PKD1: variants seen among roughly 807,000 people sequenced by gnomAD.
PKD1 encodes the protein polycystin-1.
Under a neutral mutation model 361.7 loss-of-function variants are expected in PKD1, and 81 were observed. The observed-to-expected ratio is 0.22, with a 90% CI of 0.19 to 0.27. PKD1 has a LOEUF of 0.27. Among genes scored for constraint, PKD1 ranks in the 10% least tolerant of loss-of-function variants. The pLI, the probability that PKD1 is intolerant of heterozygous loss-of-function variation, is 1.00. For synonymous variants in PKD1, 3,615 were observed against 2,818.3 expected, an observed-to-expected ratio of 1.28 and a Z score of -8.95; for missense variants, 6,399 against 6,118.3, an observed-to-expected ratio of 1.05 and a Z score of -1.53.
chr16:2,094,040 G>A lies in PKD1; in HGVS notation c.10619-27C>T, dbSNP rs755380031. 2.1e-5 allele frequency: 34 copies of A among 1,592,462 alleles called. 1 individual carries two copies. Among genetic ancestry groups the A allele is most frequent in the East Asian group, 1.1e-4 (5 of 44,076 alleles). On this transcript the variant is annotated intron_variant, in intron 35 of 45. Transcript: ENST00000262304. ...TGGGGAAGCAGAGACAGACCTGTGA[G>A]AGGCAGCTCACAGGGAGGGGCTAGG...
Position 2,110,994 on chromosome 16 carries a change from A to C in PKD1, c.4173T>G (p.Phe1391Leu). Residue 1391 changes from phenylalanine to leucine, a missense_variant, in exon 15 of 46, where the codon TTT becomes TTG. Physicochemically the swap from Phe to Leu is conservative, Grantham distance 22. Coordinates refer to ENST00000262304, the MANE Select transcript of PKD1 (RefSeq NM_001009944.3). ...GNVTLQPERQFVQLGDEAWLV... is the reference protein window; with the variant it reads ...GNVTLQPERQLVQLGDEAWLV... ...GCCAGGCCTCGTCCCCGAGCTGCAC[A>C]AACTGCCTCTCTGGCTGCAGGGTGA... is the stretch of plus-strand genomic sequence containing the variant. 6.2e-7 allele frequency: 1 copy of C among 1,610,640 alleles called. No homozygotes were observed. Among genetic ancestry groups the C allele is most frequent in the Non-Finnish European group, 8.5e-7 (1 of 1,179,744 alleles).
chr16:2,121,667 T>C (rs1263051290), intron 1 of PKD1, among the ~76,000 whole-genome samples: 1 of 151,492 alleles, frequency 6.6e-6, no homozygotes, highest in Admixed American at 6.6e-5. Flanking sequence ...CCCCTCGGCC[T>C]CAAGCACCTC....
rs1177932432 is a variant in PKD1 at position 2,088,861 on chromosome 16, A to C, written c.*866T>G. On this transcript the variant is annotated 3_prime_UTR_variant, in exon 46 of 46. Transcript: ENST00000262304. Reference sequence around the variant, plus strand: ...CTTGAGGCTGCCTGGGCCATACAGCACACTCGCGCGTGCGCGCGCGCACAC... The same window carrying C: ...CTTGAGGCTGCCTGGGCCATACAGCCCACTCGCGCGTGCGCGCGCGCACAC... The C allele has an allele frequency of 1.8e-6, 1 of 552,058 alleles. No individual in the cohort carries two copies. The allele number at this position is 552,058 out of a possible 1,614,324, so 34.2% of individuals were successfully genotyped here.
chr16:2,105,263 G>T, intron 21 of PKD1, 59 bp downstream of exon 21: 9 of 1,568,840 alleles, frequency 5.7e-6, no homozygotes, highest in Non-Finnish European at 7.8e-6. Flanking sequence ...GCCCTGGGGG[G>T]CTGAACCCAG....
At chr16:2,093,340 C>A in intron 37 of PKD1, 1 of 676,308 alleles carries the variant, frequency 1.5e-6, no homozygotes, top group Non-Finnish European at 2.5e-6. Flanking sequence ...CAGGAGTGGG[C>A]ATTGGAGCTG....
At position 2,132,609 on chromosome 16, in the gene PKD1, C is replaced by G. The variant is rs2092900415; in HGVS notation, c.215+2866G>C. Among the ~76,000 whole-genome samples the G allele has an allele frequency of 4.1e-5, 6 of 147,342 alleles. No homozygotes were observed. The South Asian group carries it at 1.3e-3, about 31-fold the overall frequency. ...AAAAAAAAGAAAAAAAAAAAGACAT[C>G]AACTAATTGCAGTGTGTGGACCTTA... On this transcript the variant is annotated intron_variant, in intron 1 of 45. Transcript: ENST00000262304.
At chr16:2,132,192 G>C (rs547126156) in intron 1 of PKD1, among the ~76,000 whole-genome samples, 7 of 151,766 alleles carry the variant, frequency 4.6e-5, no homozygotes, top group Admixed American at 3.3e-4. Flanking sequence ...GGAGGTTGCC[G>C]TGAGGTGAGA....
Position 2,116,026 on chromosome 16 carries a change from C to T in PKD1, c.1815G>A (p.Leu605=), listed in dbSNP as rs1354060299. 6.5e-7 allele frequency: 1 copy of T among 1,546,672 alleles called. No individual in the cohort carries two copies. The highest frequency in any genetic ancestry group is 8.7e-7 in the Non-Finnish European group (1 of 1,145,208). Residue 605 remains leucine, a synonymous_variant, in exon 9 of 46, where the codon CTG becomes CTA. Coordinates refer to ENST00000262304, the MANE Select transcript of PKD1 (RefSeq NM_001009944.3). ...TGAGGAGCCGGTACACCTGCAGCCG[C>T]AGCTGGGCGGGCCGCCGGAGCTCCT... ...GTQELRRPAQ[L]RLQVYRLLST...
intron 1 of PKD1, among the ~76,000 whole-genome samples, chr16:2,127,336 G>T (rs1195115039): frequency 6.6e-6 from 1 of 152,182 alleles, no homozygotes; most frequent in African/African-American, 2.4e-5. Flanking sequence ...GCGTCAAAAG[G>T]CACCAATGGG....
chr16:2,089,745 G>T lies in PKD1; in HGVS notation c.12894C>A (p.Val4298=). 6.3e-7 allele frequency: 1 copy of T among 1,587,706 alleles called. No homozygotes were observed. The highest frequency in any genetic ancestry group is 1.1e-5 in the South Asian group (1 of 87,452). Residue 4298 remains valine (V), a synonymous_variant, in exon 46 of 46, where the codon GTC becomes GTA. Coordinates refer to ENST00000262304, the MANE Select transcript of PKD1 (RefSeq NM_001009944.3). The part of the protein sequence containing the change: ...SRTPLRAKNK[V]HPSST ...AGGAGGACTAAGTGCTGCTGGGGTGGACCTTGTTCTTGGCCCGAAGGGGTG... is the reference window on the plus strand; with the variant it reads ...AGGAGGACTAAGTGCTGCTGGGGTGTACCTTGTTCTTGGCCCGAAGGGGTG...
chr16:2,131,695 C>T lies in PKD1; in HGVS notation c.215+3780G>A, dbSNP rs531717868. Among the ~76,000 whole-genome samples, 35 of 150,402 alleles carry T rather than the reference C, an allele frequency of 2.3e-4. 1 individual carries two copies. Among genetic ancestry groups the T allele is most frequent in the African/African-American group, 6.1e-4 (25 of 40,766 alleles). On this transcript the variant is annotated intron_variant, in intron 1 of 45. Coordinates refer to ENST00000262304, the MANE Select transcript of PKD1 (RefSeq NM_001009944.3). Reference sequence around the variant, plus strand: ...AAAATTAGCCGGGCGTGGTGGCGCGCGCCTCTAATCCCAGCTACTCAGGAG... The same window carrying T: ...AAAATTAGCCGGGCGTGGTGGCGCGTGCCTCTAATCCCAGCTACTCAGGAG...
rs778285879 is a variant in PKD1 at position 2,100,571 on chromosome 16, G to A, written c.9398-5C>T. The A allele has an allele frequency of 8.1e-6, 13 of 1,608,980 alleles. No homozygotes were observed. The highest frequency in any genetic ancestry group is 5.3e-5 in the African/African-American group (4 of 74,848). ...TGCCCACGTGGGCCGTGGTACCTGG[G>A]AGGCAAGAGGGAGGGGTGGGAGGCT... is the stretch of plus-strand genomic sequence containing the variant. On this transcript the variant is annotated splice_region_variant and splice_polypyrimidine_tract_variant and intron_variant, in intron 26 of 45. Transcript: ENST00000262304. The surrounding 1 kb of genome is among the most constrained non-coding windows in gnomAD (Gnocchi z 4.4).
chr16:2,111,967 G>T, intron 14 of PKD1, 96 bp from the exon 15 acceptor site: 1 of 1,312,058 alleles, frequency 7.6e-7, no homozygotes, highest in South Asian at 1.2e-5. Context: ...CGGGGTGAAC[G>T]GCTGCACCTG....
intron 1 of PKD1, among the ~76,000 whole-genome samples, chr16:2,131,439 C>T (rs1275214455): frequency 6.6e-6 from 1 of 151,716 alleles, no homozygotes; most frequent in African/African-American, 2.4e-5. Context: ...ACCCAGGAGG[C>T]GGAGCTTGCA....
Position 2,103,409 on chromosome 16 carries a change from G to C in PKD1, c.8648C>G (p.Ala2883Gly). The change falls in exon 23 of 46, where the codon GCT (alanine) becomes GGT (glycine). Residue 2883 changes from alanine (A) to glycine (G), a missense_variant. Transcript: ENST00000262304. ...TVKVPNNSDW[A>G]ARGHRSSANS... Reference sequence around the variant, plus strand: ...GGCGGAGCTGCGGTGGCCCCGGGCAGCCCAGTCCGAGTTGTTGGGCACCTT... The same window carrying C: ...GGCGGAGCTGCGGTGGCCCCGGGCACCCCAGTCCGAGTTGTTGGGCACCTT... 1 of 1,599,514 alleles carries C rather than the reference G, an allele frequency of 6.3e-7. No homozygotes were observed. Among genetic ancestry groups the C allele is most frequent in the South Asian group, 1.1e-5 (1 of 90,984 alleles).
At chr16:2,092,320 G>C (rs903369818) in intron 39 of PKD1, 132 bp from the exon 40 acceptor site, 1 of 1,072,116 alleles carries the variant, frequency 9.3e-7, no homozygotes, top group Non-Finnish European at 1.4e-6. Context: ...CCATCAATTA[G>C]ACAACGTTAC....
chr16:2,097,683 C>T lies in PKD1; in HGVS notation c.10220+45G>A, dbSNP rs909833164. On this transcript the variant is annotated intron_variant, in intron 32 of 45. Coordinates refer to ENST00000262304, the MANE Select transcript of PKD1 (RefSeq NM_001009944.3). ...GCCCGCACACCCCCGGCACCCCAGA[C>T]ACAGTGACCTGCACCAGGGCTCGAG... 1.4e-5 allele frequency: 23 copies of T among 1,610,778 alleles called. 1 individual carries two copies. In the South Asian group the frequency reaches 2.4e-4, roughly 17 times the overall value.
At chr16:2,105,691 G>A (rs536013708) in intron 20 of PKD1, 174 bp downstream of exon 20, 1 of 1,309,430 alleles carries the variant, frequency 7.6e-7, no homozygotes. Flanking sequence ...ACGCCGGAGA[G>A]GGCCCGGTGG....
intron 1 of PKD1, among the ~76,000 whole-genome samples, chr16:2,123,902 A>C (rs1169555588): frequency 1.3e-5 from 2 of 152,158 alleles, no homozygotes; most frequent in Non-Finnish European, 2.9e-5. Flanking sequence ...TGTCGGGAGG[A>C]GTACACCCCC....
Sources: allele counts gnomAD v4.1 joint callset (sites outside exome capture counted in the v4.1 genomes callset), GRCh38; gene constraint gnomAD v4.1.1; non-coding constraint Gnocchi (gnomAD v3.1); transcripts MANE v1.5; gene names NCBI Gene and HGNC (gene_info 2026-07-23, HGNC 2026-07-21).